MNS1: variants seen among roughly 807,000 people sequenced by gnomAD.
MNS1 encodes meiosis-specific nuclear structural protein 1.
Under a neutral mutation model 72.0 loss-of-function variants are expected in MNS1, and 63 were observed. The ratio of observed to expected loss-of-function variants is 0.87; its 90% CI spans 0.71 to 1.08. MNS1 has a LOEUF of 1.08. MNS1 is among the 50% of genes least tolerant of loss of function. The pLI, the probability that MNS1 is intolerant of heterozygous loss-of-function variation, is 0.00. For synonymous variants in MNS1, 188 were observed against 172.1 expected (o/e 1.09, Z -0.72); for missense variants, 604 against 562.4 (o/e 1.07, Z -0.75).
rs760135227 is a variant in MNS1 at position 56,464,198 on chromosome 15, A to T, written c.53T>A (p.Val18Glu). 3 of 1,613,766 alleles carry T rather than the reference A, an allele frequency of 1.9e-6. No individual in the cohort carries two copies. The highest frequency in any genetic ancestry group is 1.1e-5 in the South Asian group (1 of 91,026). ...TAATTTTTTGCAGTAGTTTTCATCT[A>T]CTAATTTCTGATGCCTTTCACTACA... ...LSCSERHQKL[V>E]DENYCKKLHV... Residue 18 changes from valine to glutamate, a missense_variant, in exon 2 of 10, where the codon GTA becomes GAA. Coordinates refer to ENST00000260453, the MANE Select transcript of MNS1 (RefSeq NM_018365.4).
At chr15:56,445,471 T>C (rs1239199132) in intron 4 of MNS1, among the ~76,000 whole-genome samples, 1 of 152,018 alleles carries the variant, frequency 6.6e-6, no homozygotes, top group Non-Finnish European at 1.5e-5. Flanking sequence ...GTAAACAGAT[T>C]AAAATATGAA....
chr15:56,436,588 G>A (rs1292443189), intron 7 of MNS1, among the ~76,000 whole-genome samples: 1 of 151,962 alleles, frequency 6.6e-6, no homozygotes, highest in Non-Finnish European at 1.5e-5. Context: ...CTAGCAGAAG[G>A]CAAGAAATAA....
chr15:56,447,746 C>T (rs2050917754), intron 3 of MNS1: 2 of 152,084 alleles, frequency 1.3e-5, no homozygotes, highest in East Asian at 1.9e-4. Context: ...AAACCATCAC[C>T]ACAATCAAGA....
At position 56,434,370 on chromosome 15, in the gene MNS1, T is replaced by C; in HGVS notation, c.1037A>G (p.Lys346Arg). ...AAAATCTTGCTTCATCTCTTTTTGC[T>C]TTCTCAATTTCTTTTCTGCTTCTTC... Reference protein sequence around the residue: ...LKEEAEKKLRKQKEMKQDFEE... With the variant: ...LKEEAEKKLRRQKEMKQDFEE... The change falls in exon 8 of 10, where the codon AAG becomes AGG. Residue 346 changes from lysine (K) to arginine (R), a missense_variant. By Grantham distance (26) the Lys-to-Arg change is conservative. Transcript: ENST00000260453. The C allele has an allele frequency of 1.2e-6, 2 of 1,612,264 alleles. No homozygotes were observed. The highest frequency in any genetic ancestry group is 1.7e-6 in the Non-Finnish European group (2 of 1,179,432).
chr15:56,437,147 C>T (rs2050740288), intron 7 of MNS1, among the ~76,000 whole-genome samples: 1 of 151,964 alleles, frequency 6.6e-6, no homozygotes, highest in Non-Finnish European at 1.5e-5. Flanking sequence ...GTCATCCTGA[C>T]AGAGACACCA....
chr15:56,461,591 G>A (rs2051020738), intron 2 of MNS1, among the ~76,000 whole-genome samples: 1 of 150,154 alleles, frequency 6.7e-6, no homozygotes, highest in East Asian at 2.0e-4. Context: ...AACCCAGAAG[G>A]CGGAGGTTGC....
rs1301541371 is a variant in MNS1, at chr15:56,459,743, CACTTTGGGAGGCCGAAGAGG to C, written c.226-3242_226-3223del. Among the ~76,000 whole-genome samples the C allele has an allele frequency of 1.3e-4, 20 of 151,574 alleles. No individual in the cohort carries two copies. The East Asian group carries it at 3.1e-3, about 24-fold the overall frequency. On this transcript the variant is annotated intron_variant, in intron 2 of 9. Transcript: ENST00000260453. ...TCATGCCTGTAATCCACTTTGGGAG[CACTTTGGGAGGCCGAAGAGG>C]ACAGATCATCTTAGGTTGGGAGTTG...
intron 4 of MNS1, among the ~76,000 whole-genome samples, 199 bp from the exon 5 acceptor site, chr15:56,444,872 T>C (rs1369532222): frequency 6.6e-6 from 1 of 152,046 alleles, no homozygotes; most frequent in African/African-American, 2.4e-5. Context: ...GCAGCTTTCC[T>C]ATCCCTTCAA....
intron 2 of MNS1, among the ~76,000 whole-genome samples, chr15:56,460,032 A>ATATG (rs1299699587): frequency 9.4e-6 from 1 of 105,972 alleles, no homozygotes; most frequent in Non-Finnish European, 2.0e-5. Flanking sequence ...ATATATATAT[A>ATATG]TATGTGACTA....
chr15:56,445,645 C>T (rs1461464113), intron 4 of MNS1: 3 of 151,764 alleles, frequency 2.0e-5, no homozygotes, highest in East Asian at 3.9e-4. Flanking sequence ...CACACACTTA[C>T]CGAAAACAAT....
At chr15:56,442,501 A>G (rs555733029) in intron 7 of MNS1, among the ~76,000 whole-genome samples, 13 of 152,376 alleles carry the variant, frequency 8.5e-5, no homozygotes, top group African/African-American at 2.2e-4. Flanking sequence ...ATATCCATCA[A>G]TGGTGGACTG....
At chr15:56,442,897 GGAAAGA>G (rs1289492841) in intron 7 of MNS1, among the ~76,000 whole-genome samples, 1 of 151,006 alleles carries the variant, frequency 6.6e-6, no homozygotes, top group Non-Finnish European at 1.5e-5. Context: ...AGTAAAAGTT[GGAAAGA>G]GAAAAAGAAA....
In MNS1 at chr15:56,443,933, T is replaced by C; in HGVS notation, c.687-79A>G. On this transcript the variant is annotated intron_variant, in intron 5 of 9. Transcript: ENST00000260453. ...TAATTTCATTTTGTTCATAATAATG[T>C]ACAGAAAAACACTATAGTTTTTTCA... is the stretch of plus-strand genomic sequence containing the variant. The C allele has an allele frequency of 2.7e-6, 3 of 1,118,806 alleles. No individual in the cohort carries two copies. The South Asian group carries it at 5.3e-5, about 20-fold the overall frequency. 69.3% of individuals were successfully genotyped at this position (1,118,806 alleles called of 1,614,324 possible). A position where few individuals can be genotyped will look rare whatever the true frequency, so the allele number is the denominator to read the frequency against.
rs1301504234 is a variant in MNS1 at position 56,443,851 on chromosome 15, T to C, written c.690A>G (p.Glu230=). Residue 230 remains glutamate (E), a synonymous_variant, in exon 6 of 10, where the codon GAA becomes GAG. Coordinates refer to ENST00000260453, the MANE Select transcript of MNS1 (RefSeq NM_018365.4). ...VRKIYEEDQL[E]KQQKLEKMNA... ...TCATTTTTTCTAACTTTTGTTGTTT[T>C]TCCCTGAAAAGCAATAACAAGTACA... 8.1e-6 allele frequency: 13 copies of C among 1,595,762 alleles called. No individual in the cohort carries two copies. The highest frequency in any genetic ancestry group is 1.1e-5 in the Non-Finnish European group (13 of 1,174,004).
chr15:56,451,235 A>G (rs1290250116), intron 3 of MNS1, among the ~76,000 whole-genome samples: 1 of 152,240 alleles, frequency 6.6e-6, no homozygotes, highest in African/African-American at 2.4e-5. Context: ...AGGTTAGAAC[A>G]GATATACCCA....
chr15:56,460,009 A>AAAAAAAAAATATATAT lies in MNS1; in HGVS notation c.226-3489_226-3488insATATATATTTTTTTTT. The stretch of plus-strand genomic sequence containing the variant: ...CTGTCTCAAAAAAAAAAAAAAAAAA[A>AAAAAAAAAATATATAT]ATACATATATATATATATATATATA... On this transcript the variant is annotated intron_variant, in intron 2 of 9. Coordinates refer to ENST00000260453, the MANE Select transcript of MNS1 (RefSeq NM_018365.4). 1.0e-3 allele frequency among the ~76,000 whole-genome samples: 27 copies of AAAAAAAAAATATATAT among 26,380 alleles called. 4 individuals are homozygous for AAAAAAAAAATATATAT. The highest frequency in any genetic ancestry group is 9.1e-3 in the East Asian group (8 of 876). The allele number at this position is 26,380 out of a possible 152,430, so 17.3% of individuals were successfully genotyped here. A position where few individuals can be genotyped will look rare whatever the true frequency, so the allele number is the denominator to read the frequency against.
At chr15:56,456,070 G>A (rs2050979759) in intron 3 of MNS1, among the ~76,000 whole-genome samples, 1 of 152,034 alleles carries the variant, frequency 6.6e-6, no homozygotes, top group South Asian at 2.1e-4. Context: ...TTATGTAGAG[G>A]TATAAAATTA....
chr15:56,434,059 A>G lies in MNS1; in HGVS notation c.1269+79T>C, dbSNP rs1253462015. On this transcript the variant is annotated intron_variant, in intron 8 of 9. Coordinates refer to ENST00000260453, the MANE Select transcript of MNS1 (RefSeq NM_018365.4). ...CATTGTCTGGCATATAAAGCTTCTC[A>G]GTAAATGTTTAGTGGATGATAGATG... 5 of 1,431,638 alleles carry G rather than the reference A, an allele frequency of 3.5e-6. No homozygotes were observed. The African/African-American group carries it at 5.7e-5, about 16-fold the overall frequency. The allele number at this position is 1,431,638 out of a possible 1,614,324, so 88.7% of individuals were successfully genotyped here.
In MNS1 at chr15:56,428,814, A is replaced by G. The variant is rs2050454685; in HGVS notation, c.*287T>C. ...GACAGAAGGCAGTTCACTTTGGGGT[A>G]GAGTTCTGTATTAGTCAAGGTAAAT... On this transcript the variant is annotated 3_prime_UTR_variant, in exon 10 of 10. Transcript: ENST00000260453. 2.8e-6 allele frequency: 1 copy of G among 362,598 alleles called. No individual in the cohort carries two copies. Among genetic ancestry groups the G allele is most frequent in the Admixed American group, 4.4e-5 (1 of 22,914 alleles). 22.5% of individuals were successfully genotyped at this position (362,598 alleles called of 1,614,324 possible).
Sources: gnomAD v4.1 joint callset for allele counts (sites outside exome capture counted in the v4.1 genomes callset) on GRCh38, gnomAD v4.1.1 for gene constraint, MANE v1.5 for transcripts, NCBI Gene and HGNC (gene_info 2026-07-23, HGNC 2026-07-21) for gene names.